Variants in RBMS3 observed in about 807,000 individuals in gnomAD.
The protein encoded by RBMS3 is RNA binding motif single stranded interacting protein 3, also known as RNA-binding motif, single-stranded-interacting protein 3.
RBMS3 carries 27 observed loss-of-function variants against 66.8 expected under a neutral mutation model. The ratio of observed to expected loss-of-function variants is 0.40; its 90% confidence interval spans 0.30 to 0.56. The LOEUF is 0.56. RBMS3 is among the 20% of genes least tolerant of loss of function. RBMS3 has a pLI of 0.40. For synonymous variants in RBMS3, 188 were observed against 183.0 expected (o/e 1.03, Z -0.22); for missense variants, 513 against 549.5 (o/e 0.93, Z 0.66).
rs1040703236 is a variant in RBMS3 at position 29,975,123 on chromosome 3, C to T, written c.1099-13020C>T. 9.9e-5 allele frequency among the ~76,000 whole-genome samples: 14 copies of T among 141,298 alleles called. 1 individual carries two copies. The highest frequency in any genetic ancestry group is 8.0e-4 in the East Asian group (4 of 4,972). The allele number at this position is 141,298 out of a possible 152,430, so 92.7% of individuals were successfully genotyped here. On this transcript the variant is annotated intron_variant, in intron 12 of 14. Coordinates refer to ENST00000383767, the MANE Select transcript of RBMS3 (RefSeq NM_001003793.3). ...ATTTATATATTTTATATATAAAATA[C>T]GTTTATATATTTATATATTTTATAT...
intron 4 of RBMS3, among the ~76,000 whole-genome samples, chr3:29,732,298 A>T (rs562252917): frequency 6.6e-6 from 1 of 152,278 alleles, no homozygotes; most frequent in South Asian, 2.1e-4. Context: ...GACGGGAGGA[A>T]GTCTTTCTTA....
intron 8 of RBMS3, among the ~76,000 whole-genome samples, chr3:29,896,014 T>C (rs1236947314): frequency 2.6e-5 from 4 of 151,512 alleles, no homozygotes; most frequent in East Asian, 1.9e-4. Context: ...TGAGTATGGA[T>C]AGTAAGAATG....
intron 10 of RBMS3, chr3:29,924,857 AAAG>A (rs1577161812): frequency 2.0e-5 from 3 of 153,178 alleles, no homozygotes; most frequent in South Asian, 2.1e-4. Context: ...AAAAAAAAAA[AAAG>A]AGAGAGAGAG....
chr3:29,359,371 C>T (rs1324486963), intron 1 of RBMS3, among the ~76,000 whole-genome samples: 2 of 152,156 alleles, frequency 1.3e-5, no homozygotes, highest in Non-Finnish European at 2.9e-5. Context: ...GTATGTTGAA[C>T]CAGCCTTGCA....
chr3:29,868,864 G>A lies in RBMS3; in HGVS notation c.644G>A (p.Ser215Asn). ...TGGTTTCTTATCTTCCCAGCCCCCA[G>A]TGAGCCTTTGCTGTGCAAATTCGCT... ...LKTPPGIPAP[S>N]EPLLCKFADG... is the part of the protein sequence containing the mutation. Residue 215 changes from serine (S) to asparagine (N), a missense_variant, in exon 7 of 15, where the codon AGT becomes AAT. Transcript: ENST00000383767. 1 of 1,595,932 alleles carries A rather than the reference G, an allele frequency of 6.3e-7. No individual in the cohort carries two copies.
rs560000659 is a variant in RBMS3 at position 29,973,069 on chromosome 3, T to A, written c.1099-15074T>A. Among the ~76,000 whole-genome samples, 5 of 152,198 alleles carry A rather than the reference T, an allele frequency of 3.3e-5. No individual in the cohort carries two copies. The South Asian group carries it at 1.0e-3, about 31-fold the overall frequency. ...CTAGATAATAGATCAGTCAGGCCAG[T>A]TAAACTAATTTCTTGATTATTTCAA... is the stretch of plus-strand genomic sequence containing the variant. On this transcript the variant is annotated intron_variant, in intron 12 of 14. Transcript: ENST00000383767.
chr3:29,396,705 G>T (rs1024666067), intron 1 of RBMS3, among the ~76,000 whole-genome samples: 1 of 152,198 alleles, frequency 6.6e-6, no homozygotes, highest in Non-Finnish European at 1.5e-5. Context: ...GGTGAATCTA[G>T]GGAAAAGATA....
At chr3:29,576,156 T>C (rs1381070323) in intron 3 of RBMS3, among the ~76,000 whole-genome samples, 1 of 152,160 alleles carries the variant, frequency 6.6e-6, no homozygotes, top group Non-Finnish European at 1.5e-5. Flanking sequence ...TGAGAAGGCT[T>C]TCCAGGTATT....
intron 1 of RBMS3, among the ~76,000 whole-genome samples, chr3:29,293,743 C>T (rs2033014987): frequency 1.3e-5 from 2 of 151,410 alleles, no homozygotes; most frequent in Non-Finnish European, 3.0e-5. Flanking sequence ...AGCTTCTACT[C>T]CTGTAGCCCT....
chr3:29,671,258 C>A (rs2050988716), intron 4 of RBMS3, among the ~76,000 whole-genome samples: 1 of 152,182 alleles, frequency 6.6e-6, no homozygotes, highest in Non-Finnish European at 1.5e-5. Context: ...GACATCTACA[C>A]CAAAACCCCA....
intron 6 of RBMS3, chr3:29,797,935 T>G (rs1001783553): frequency 6.6e-6 from 1 of 152,044 alleles, no homozygotes; most frequent in African/African-American, 2.4e-5. Context: ...AATTCTTTCT[T>G]TCACCTGAAC....
intron 12 of RBMS3, among the ~76,000 whole-genome samples, chr3:29,983,392 T>C (rs1337131793): frequency 2.0e-5 from 3 of 152,210 alleles, no homozygotes; most frequent in African/African-American, 7.2e-5. Flanking sequence ...TGTCTTTTAA[T>C]TGGGGCATTT....
chr3:29,357,439 A>G (rs2037292960), intron 1 of RBMS3, among the ~76,000 whole-genome samples: 1 of 152,166 alleles, frequency 6.6e-6, no homozygotes, highest in Non-Finnish European at 1.5e-5. Flanking sequence ...TTCTTAATCC[A>G]GTCTATCATT....
At chr3:29,581,892 C>T (rs187841408) in intron 3 of RBMS3, among the ~76,000 whole-genome samples, 117 of 152,266 alleles carry the variant, frequency 7.7e-4, no homozygotes, top group Non-Finnish European at 3.1e-4. Context: ...CACCCCAACA[C>T]ACACACATAA....
chr3:29,350,859 C>CA (rs1312585684), intron 1 of RBMS3, among the ~76,000 whole-genome samples: 2 of 149,862 alleles, frequency 1.3e-5, no homozygotes, highest in Non-Finnish European at 3.0e-5. Flanking sequence ...AAAGTAAAAA[C>CA]AAAAAACTAT....
chr3:29,303,756 T>C (rs1337067820), intron 1 of RBMS3, among the ~76,000 whole-genome samples: 1 of 152,002 alleles, frequency 6.6e-6, no homozygotes, highest in Non-Finnish European at 1.5e-5. Context: ...GAGAAACTCT[T>C]TTCATAGCAT....
intron 12 of RBMS3, among the ~76,000 whole-genome samples, chr3:29,949,126 A>G (rs556240040): frequency 6.6e-6 from 1 of 151,388 alleles, no homozygotes; most frequent in Non-Finnish European, 1.5e-5. Flanking sequence ...ATTGTTATTT[A>G]TGTATTAAAA....
At chr3:29,859,187 G>C (rs1424678752) in intron 6 of RBMS3, among the ~76,000 whole-genome samples, 1 of 152,168 alleles carries the variant, frequency 6.6e-6, no homozygotes, top group African/African-American at 2.4e-5. Flanking sequence ...TAATCCAGGT[G>C]ATTTGTTTAT....
At chr3:29,644,513 C>G (rs1339030576) in intron 4 of RBMS3, among the ~76,000 whole-genome samples, 1 of 152,124 alleles carries the variant, frequency 6.6e-6, no homozygotes, top group Admixed American at 6.6e-5. Flanking sequence ...AGATGGAACA[C>G]GTAGACTGGT....
Sources: gnomAD v4.1 joint callset for allele counts (sites outside exome capture counted in the v4.1 genomes callset) on GRCh38, gnomAD v4.1.1 for gene constraint, MANE v1.5 for transcripts, NCBI Gene and HGNC (gene_info 2026-07-23, HGNC 2026-07-21) for gene names.